Variants in ZNF730 observed in about 807,000 individuals in gnomAD.
The protein encoded by ZNF730 is zinc finger protein 730, also known as putative zinc finger protein 730.
A neutral mutation model predicts 12.6 loss-of-function variants in ZNF730; 12 were observed. The ratio of observed to expected loss-of-function variants is 0.95; its 90% confidence interval spans 0.61 to 1.54. The LOEUF is 1.54. ZNF730 is among the 40% of genes most tolerant of loss of function. The probability of loss-of-function intolerance (pLI) is 0.00; values close to 1 mark genes in which losing one functional copy is unlikely to be tolerated. For synonymous variants in ZNF730, 194 were observed against 195.8 expected, an observed-to-expected ratio of 0.99 and a Z score of 0.08; for missense variants, 643 against 583.5, an observed-to-expected ratio of 1.10 and a Z score of -1.05.
Position 23,134,091 on chromosome 19 carries a change from A to T in ZNF730, c.15A>T (p.Thr5=). 1 of 1,613,374 alleles carries T rather than the reference A, an allele frequency of 6.2e-7. No individual in the cohort carries two copies. Among genetic ancestry groups the T allele is most frequent in the African/African-American group, 1.3e-5 (1 of 75,038 alleles). The change falls in exon 2 of 4, where the codon ACA becomes ACT. Residue 5 remains threonine, a synonymous_variant. Coordinates refer to ENST00000597761, the MANE Select transcript of ZNF730 (RefSeq NM_001277403.2). MGAL[T]FRDVAIEFSL... The stretch of plus-strand genomic sequence containing the variant: ...TTTGTGTTTTTCAGGGAGCGTTGAC[A>T]TTTAGAGATGTGGCCATAGAATTCT...
intron 1 of ZNF730, among the ~76,000 whole-genome samples, chr19:23,107,137 A>G (rs1322028472): frequency 4.0e-5 from 6 of 150,156 alleles, no homozygotes; most frequent in African/African-American, 7.3e-5. Context: ...TTCCTGGCTC[A>G]CTGAAGCCTC....
chr19:23,139,885 T>C (rs1332621249), intron 3 of ZNF730, among the ~76,000 whole-genome samples: 11 of 152,228 alleles, frequency 7.2e-5, no homozygotes, highest in African/African-American at 1.2e-4. Flanking sequence ...TAAGCATTTC[T>C]GTTATTATTG....
intron 1 of ZNF730, among the ~76,000 whole-genome samples, chr19:23,087,574 T>C (rs1970085081): frequency 6.6e-6 from 1 of 151,990 alleles, no homozygotes; most frequent in African/African-American, 2.4e-5. Flanking sequence ...TTTGATTTCC[T>C]CTTTTTCTAT....
In ZNF730 at chr19:23,145,612, C is replaced by G; in HGVS notation, c.568C>G (p.Gln190Glu). 1 of 1,545,442 alleles carries G rather than the reference C, an allele frequency of 6.5e-7. No homozygotes were observed. The highest frequency in any genetic ancestry group is 8.7e-7 in the Non-Finnish European group (1 of 1,147,276). The change falls in exon 4 of 4, where the codon CAA becomes GAA. Residue 190 changes from glutamine to glutamate, a missense_variant. Physicochemically the swap from Gln to Glu is conservative, Grantham distance 29 (BLOSUM62 2). Coordinates refer to ENST00000597761, the MANE Select transcript of ZNF730 (RefSeq NM_001277403.2). ...ATTTTGCATTCTTTCACACTTAGCTCAACATAAAAAAATTCATACTGGAGA... is the reference window on the plus strand; with the variant it reads ...ATTTTGCATTCTTTCACACTTAGCTGAACATAAAAAAATTCATACTGGAGA... ...KLFCILSHLAQHKKIHTGEKS... is the reference protein window; with the variant it reads ...KLFCILSHLAEHKKIHTGEKS...
intron 1 of ZNF730, among the ~76,000 whole-genome samples, chr19:23,082,509 G>A (rs901549473): frequency 6.6e-6 from 1 of 151,436 alleles, no homozygotes; most frequent in African/African-American, 2.4e-5. Flanking sequence ...TCCATGCCCA[G>A]CTAATTTTTT....
At chr19:23,096,604 C>T (rs750409106) in intron 1 of ZNF730, among the ~76,000 whole-genome samples, 28 of 152,118 alleles carry the variant, frequency 1.8e-4, no homozygotes, top group Non-Finnish European at 3.5e-4. Flanking sequence ...CTAGGTCATG[C>T]GATTCTTTTT....
chr19:23,091,325 T>G (rs1009073455), intron 1 of ZNF730, among the ~76,000 whole-genome samples: 10 of 152,172 alleles, frequency 6.6e-5, no homozygotes, highest in Admixed American at 6.5e-4. Context: ...GGAGAACCTC[T>G]GCTAGGGCAG....
chr19:23,127,008 C>G (rs987680955), intron 1 of ZNF730: 2 of 506,736 alleles, frequency 3.9e-6, no homozygotes, highest in African/African-American at 3.9e-5. Flanking sequence ...AAAAAACTTG[C>G]GTATATCTGT....
chr19:23,092,224 A>G (rs1970171600), intron 1 of ZNF730, among the ~76,000 whole-genome samples: 1 of 152,118 alleles, frequency 6.6e-6, no homozygotes. Flanking sequence ...GCCATGTGGA[A>G]CTGTAAGTCC....
intron 1 of ZNF730, among the ~76,000 whole-genome samples, chr19:23,091,000 C>CAAA (rs145906466): frequency 8.0e-6 from 1 of 125,604 alleles, no homozygotes. Flanking sequence ...GACTTCGTCT[C>CAAA]AAAAAAAAAA....
intron 3 of ZNF730, among the ~76,000 whole-genome samples, chr19:23,144,424 G>A (rs911858771): frequency 6.6e-6 from 1 of 152,150 alleles, no homozygotes; most frequent in Non-Finnish European, 1.5e-5. Context: ...CAGTAGGCCA[G>A]TTGTGGTGGC....
intron 1 of ZNF730, among the ~76,000 whole-genome samples, chr19:23,082,257 A>T (rs954261409): frequency 2.6e-5 from 4 of 152,058 alleles, no homozygotes; most frequent in Non-Finnish European, 4.4e-5. Flanking sequence ...TATGAGTAAA[A>T]TTATGAGATC....
At chr19:23,116,327 TCTTTCTTTC>T (rs1970521807), upstream of ZNF730, among the ~76,000 whole-genome samples, 2 of 112,792 alleles carry the variant, frequency 1.8e-5, no homozygotes, top group Admixed American at 9.1e-5. Flanking sequence ...TTCTTTTCTT[TCTTTCTTTC>T]CTTTCTTTCC....
At chr19:23,107,135 T>C (rs1450613043) in intron 1 of ZNF730, among the ~76,000 whole-genome samples, 1 of 150,988 alleles carries the variant, frequency 6.6e-6, no homozygotes, top group Non-Finnish European at 1.5e-5. Context: ...CATTCCTGGC[T>C]CACTGAAGCC....
intron 1 of ZNF730, among the ~76,000 whole-genome samples, chr19:23,077,794 A>G (rs898139015): frequency 2.0e-5 from 3 of 152,136 alleles, no homozygotes; most frequent in African/African-American, 7.2e-5. Context: ...AGAAAGAAGT[A>G]GGCATAAGAG....
intron 1 of ZNF730, chr19:23,125,642 G>A (rs576651986): frequency 6.6e-6 from 1 of 152,322 alleles, no homozygotes; most frequent in African/African-American, 2.4e-5. Flanking sequence ...TTGAGCCATG[G>A]ATGCCAGTCT....
intron 3 of ZNF730, among the ~76,000 whole-genome samples, chr19:23,142,018 A>G (rs1970928866): frequency 6.6e-6 from 1 of 152,182 alleles, no homozygotes; most frequent in Non-Finnish European, 1.5e-5. Flanking sequence ...TTAGAGCCCT[A>G]ATGTGAGAGA....
At chr19:23,135,725 C>G (rs1970821245) in intron 2 of ZNF730, among the ~76,000 whole-genome samples, 1 of 152,064 alleles carries the variant, frequency 6.6e-6, no homozygotes, top group Admixed American at 6.6e-5. Flanking sequence ...GTTGGCCAGG[C>G]TGGTCTTGAA....
At chr19:23,117,021 C>T (rs556334773), upstream of ZNF730, 2 of 1,176,032 alleles carry the variant, frequency 1.7e-6, no homozygotes, top group East Asian at 3.8e-5. Flanking sequence ...CGGGATTTGG[C>T]GCGGCCTTTG....
Sources: gnomAD v4.1 joint callset for allele counts (sites outside exome capture counted in the v4.1 genomes callset) on GRCh38, gnomAD v4.1.1 for gene constraint, MANE v1.5 for transcripts, NCBI Gene and HGNC (gene_info 2026-07-23, HGNC 2026-07-21) for gene names.